The following TBL1X variants were observed in gnomAD, a reference collection of about 807,000 sequenced individuals.
TBL1X encodes the protein transducin beta like 1 X-linked.
Under a neutral mutation model 50.7 loss-of-function variants are expected in TBL1X, and 10 were observed. The observed-to-expected ratio is 0.20, with a 90% CI of 0.12 to 0.33. TBL1X has a LOEUF of 0.33. Ranked by LOEUF, TBL1X falls within the 10% of genes least tolerant of loss-of-function variation. The probability of loss-of-function intolerance (pLI) is 1.00; values close to 1 mark genes in which losing one functional copy is unlikely to be tolerated. For synonymous variants in TBL1X, 190 were observed against 214.7 expected, an observed-to-expected ratio of 0.88 and a Z score of 1.01; for missense variants, 340 against 504.4, an observed-to-expected ratio of 0.67 and a Z score of 3.12.
chrX:9,608,180 C>G (rs1289370739), intron 2 of TBL1X, among the ~76,000 whole-genome samples: 1 of 110,562 alleles, frequency 9.0e-6, no homozygotes, highest in Non-Finnish European at 1.9e-5. Flanking sequence ...GAACGAGACC[C>G]CAGAGGTGAA....
intron 2 of TBL1X, among the ~76,000 whole-genome samples, chrX:9,536,234 G>T (rs2146977633): frequency 9.5e-6 from 1 of 105,189 alleles, no homozygotes; most frequent in Admixed American, 1.0e-4. Context: ...ATTCTTGTTT[G>T]CCCCAGCATC....
At chrX:9,596,543 G>A (rs775938951) in intron 2 of TBL1X, among the ~76,000 whole-genome samples, 19 of 110,927 alleles carry the variant, frequency 1.7e-4, no homozygotes, top group Middle Eastern at 4.7e-3. Context: ...ACAATGCAGC[G>A]GTCACCGATA....
chrX:9,598,432 T>G (rs1278280825), intron 2 of TBL1X, among the ~76,000 whole-genome samples: 4 of 111,805 alleles, frequency 3.6e-5, no homozygotes, highest in Non-Finnish European at 7.5e-5. Context: ...TCTGAAACCT[T>G]GAGGAATCTC....
At chrX:9,497,943 G>A (rs182665532) in intron 1 of TBL1X, among the ~76,000 whole-genome samples, 45 of 97,046 alleles carry the variant, frequency 4.6e-4, no homozygotes, top group African/African-American at 1.6e-3. Context: ...AGTTTCCCAG[G>A]CTGGTCTGGA....
chrX:9,505,941 T>A (rs2082023735), intron 2 of TBL1X, among the ~76,000 whole-genome samples: 1 of 112,156 alleles, frequency 8.9e-6, no homozygotes. Context: ...CAGATCTGGA[T>A]CAAGTGGACT....
intron 17 of TBL1X, among the ~76,000 whole-genome samples, 168 bp downstream of exon 17, chrX:9,715,171 C>T (rs2083270870): frequency 8.9e-6 from 1 of 111,908 alleles, no homozygotes; most frequent in South Asian, 3.7e-4. Context: ...TGGGAATGGC[C>T]TTCTCCTTGT....
chrX:9,549,656 G>T (rs991847731), intron 2 of TBL1X, among the ~76,000 whole-genome samples: 6 of 111,611 alleles, frequency 5.4e-5, no homozygotes, highest in Non-Finnish European at 1.1e-4. Flanking sequence ...ACTTACTTTC[G>T]TAGGTTTAAT....
At chrX:9,686,212 G>C (rs2083058618) in intron 6 of TBL1X, among the ~76,000 whole-genome samples, 3 of 111,494 alleles carry the variant, frequency 2.7e-5, no homozygotes, top group Non-Finnish European at 5.6e-5. Context: ...GTGTATCTAA[G>C]AGGACATGTC....
intron 5 of TBL1X, among the ~76,000 whole-genome samples, chrX:9,657,496 C>T (rs1183888234): frequency 8.9e-6 from 1 of 112,522 alleles, no homozygotes; most frequent in Non-Finnish European, 1.9e-5. Context: ...CACTGATGGC[C>T]TCAGACAGCC....
chrX:9,521,331 C>T (rs993413013), intron 2 of TBL1X, among the ~76,000 whole-genome samples: 1 of 110,996 alleles, frequency 9.0e-6, no homozygotes, highest in Admixed American at 9.6e-5. Context: ...GCAGGGAAAG[C>T]CAGAGGTGGT....
At chrX:9,641,838 A>G (rs1021873497) in intron 3 of TBL1X, among the ~76,000 whole-genome samples, 1 of 112,244 alleles carries the variant, frequency 8.9e-6, no homozygotes, top group Non-Finnish European at 1.9e-5. Context: ...GATAGAACAT[A>G]TTTGATTCAT....
At chrX:9,620,793 C>A (rs2283690) in intron 2 of TBL1X, among the ~76,000 whole-genome samples, 34,288 of 110,333 alleles carry the variant, frequency 0.31, 4,572 homozygotes, top group East Asian at 0.7. Context: ...GGACCTGAAA[C>A]CCCCCAGCAG....
intron 2 of TBL1X, among the ~76,000 whole-genome samples, chrX:9,628,455 TA>T (rs950169954): frequency 4.5e-5 from 5 of 110,416 alleles, no homozygotes; most frequent in African/African-American, 1.3e-4. Context: ...AATAGCAACT[TA>T]AAAAAAAAGA....
At position 9,533,134 on chromosome X, in the gene TBL1X, TTA is replaced by T. The variant is rs753400292; in HGVS notation, c.-131+31289_-131+31290del. Among the ~76,000 whole-genome samples the T allele has an allele frequency of 4.6e-4, 52 of 111,950 alleles. 2 individuals are homozygous for T. The East Asian group carries it at 0.013, about 27-fold the overall frequency. On this transcript the variant is annotated intron_variant, in intron 2 of 17. Coordinates refer to ENST00000645353, the MANE Select transcript of TBL1X (RefSeq NM_005647.4). ...AAGAGTGAATTTCATGGTATGTGAA[TTA>T]TATCTCAGTAAAGTTGTTATAAACA...
intron 2 of TBL1X, among the ~76,000 whole-genome samples, chrX:9,613,999 A>AAAG (rs1555900848): frequency 2.7e-5 from 3 of 109,209 alleles, no homozygotes; most frequent in Non-Finnish European, 5.7e-5. Flanking sequence ...AAAAAAAAAA[A>AAAG]AAAAGAAAAG....
intron 6 of TBL1X, among the ~76,000 whole-genome samples, chrX:9,685,717 CT>C (rs752837096): frequency 0.17 from 9,857 of 59,468 alleles, 649 homozygotes; most frequent in Admixed American, 0.2. Flanking sequence ...CTTTTCTTTT[CT>C]TTTTTTTTTT....
At chrX:9,501,113 A>C (rs2081999144) in intron 1 of TBL1X, among the ~76,000 whole-genome samples, 3 of 111,879 alleles carry the variant, frequency 2.7e-5, no homozygotes, top group South Asian at 7.5e-4. Context: ...GACAGTACAC[A>C]GGACTCATTC....
intron 2 of TBL1X, among the ~76,000 whole-genome samples, chrX:9,597,654 T>C (rs1448529204): frequency 2.7e-5 from 3 of 111,848 alleles, no homozygotes; most frequent in Non-Finnish European, 3.8e-5. Flanking sequence ...GCCCCGAATT[T>C]ATGGGAAATA....
At chrX:9,637,468 T>C (rs1014447350) in intron 2 of TBL1X, 11 of 112,342 alleles carry the variant, frequency 9.8e-5, no homozygotes, top group African/African-American at 3.6e-4. Flanking sequence ...GGTACATCTT[T>C]CATTCATTAA....
Sources: allele counts gnomAD v4.1 joint callset (sites outside exome capture counted in the v4.1 genomes callset), GRCh38; gene constraint gnomAD v4.1.1; transcripts MANE v1.5; gene names NCBI Gene and HGNC (gene_info 2026-07-23, HGNC 2026-07-21).